Variants in GUCY1A2 observed in about 807,000 individuals in gnomAD.
GUCY1A2 encodes guanylate cyclase soluble subunit alpha-2.
GUCY1A2 carries 27 observed loss-of-function variants against 63.5 expected under a neutral mutation model. That is an observed-to-expected ratio of 0.43 (90% confidence interval 0.31 to 0.59). GUCY1A2 has a LOEUF of 0.59. GUCY1A2 is among the 20% of genes least tolerant of loss of function. GUCY1A2 has a pLI of 0.11. For synonymous variants in GUCY1A2, 364 were observed against 343.5 expected (o/e 1.06, Z -0.66); for missense variants, 768 against 913.3 (o/e 0.84, Z 2.05).
chr11:106,884,389 C>T (rs969798195), intron 4 of GUCY1A2, among the ~76,000 whole-genome samples: 1 of 151,936 alleles, frequency 6.6e-6, no homozygotes, highest in African/African-American at 2.4e-5. Context: ...TAGAAGTTAA[C>T]CGGTAAATAT....
At chr11:106,996,858 G>A (rs1373958613) in intron 1 of GUCY1A2, among the ~76,000 whole-genome samples, 2 of 152,124 alleles carry the variant, frequency 1.3e-5, no homozygotes, top group Non-Finnish European at 2.9e-5. Flanking sequence ...AATATAATTG[G>A]ATCTAGTGTT....
At chr11:106,706,026 TTTA>T (rs1313963249) in intron 7 of GUCY1A2, among the ~76,000 whole-genome samples, 3 of 152,168 alleles carry the variant, frequency 2.0e-5, no homozygotes, top group African/African-American at 4.8e-5. Context: ...TCATGGATAT[TTTA>T]TTATCTTTTC....
rs528823622 is a variant in GUCY1A2 at position 106,959,194 on chromosome 11, C to T, written c.488-19016G>A. Among the ~76,000 whole-genome samples the T allele has an allele frequency of 3.2e-4, 49 of 152,218 alleles. 1 individual carries two copies. In the East Asian group the frequency reaches 6.4e-3, roughly 20 times the overall value. On this transcript the variant is annotated intron_variant, in intron 3 of 7. Transcript: ENST00000526355. Reference sequence around the variant, plus strand: ...CCACAAATAAAACACAAGGGAAAGGCTGAGACCTGAAAGAATTTTTTTAAT... The same window carrying T: ...CCACAAATAAAACACAAGGGAAAGGTTGAGACCTGAAAGAATTTTTTTAAT...
At chr11:106,775,811 T>C (rs79621766) in intron 6 of GUCY1A2, among the ~76,000 whole-genome samples, 3,781 of 151,742 alleles carry the variant, frequency 0.025, 163 homozygotes, top group East Asian at 0.15. Flanking sequence ...ATGACACTTC[T>C]GGGATCCATC....
rs1861023655 is a variant in GUCY1A2, at chr11:106,958,818, G to C, written c.488-18640C>G. Among the ~76,000 whole-genome samples, 3 of 152,086 alleles carry C rather than the reference G, an allele frequency of 2.0e-5. No homozygotes were observed. The South Asian group carries it at 6.2e-4, about 32-fold the overall frequency. On this transcript the variant is annotated intron_variant, in intron 3 of 7. Coordinates refer to ENST00000526355, the MANE Select transcript of GUCY1A2 (RefSeq NM_000855.3). ...TCTAACCTGGGAAAATAGATGTTCA[G>C]GTTTATTCTTCTTCACTAGCATATA... is the stretch of plus-strand genomic sequence containing the variant.
At chr11:106,923,628 ATTTT>A (rs1235243866) in intron 4 of GUCY1A2, among the ~76,000 whole-genome samples, 2 of 152,070 alleles carry the variant, frequency 1.3e-5, no homozygotes, top group Admixed American at 1.3e-4. Flanking sequence ...TAGGAGAAAG[ATTTT>A]TTTTAATTTT....
chr11:106,868,280 A>C (rs912628950), intron 4 of GUCY1A2, among the ~76,000 whole-genome samples: 2 of 152,082 alleles, frequency 1.3e-5, no homozygotes, highest in African/African-American at 4.8e-5. Context: ...ATTCAACCTA[A>C]TAAGCAATGC....
At position 106,680,463 on chromosome 11, in the gene GUCY1A2, T is replaced by C. The variant is rs1862413638; in HGVS notation, c.*7086A>G. 2.9e-5 allele frequency: 6 copies of C among 205,470 alleles called. No homozygotes were observed. In the East Asian group the frequency reaches 4.5e-4, roughly 15 times the overall value. 12.7% of individuals were successfully genotyped at this position (205,470 alleles called of 1,614,324 possible). A position where few individuals can be genotyped will look rare whatever the true frequency, so the allele number is the denominator to read the frequency against. On this transcript the variant is annotated 3_prime_UTR_variant, in exon 8 of 8. Transcript: ENST00000526355. ...CTATTACTCAGACCTGCCATTTGGTTTTTCTTTTCTGCTTTTAAATAATAA... is the reference window on the plus strand; with the variant it reads ...CTATTACTCAGACCTGCCATTTGGTCTTTCTTTTCTGCTTTTAAATAATAA...
chr11:106,712,208 A>G (rs1863132526), intron 6 of GUCY1A2, among the ~76,000 whole-genome samples: 1 of 152,052 alleles, frequency 6.6e-6, no homozygotes, highest in African/African-American at 2.4e-5. Flanking sequence ...ATTTAAAATA[A>G]TTTTCTCCAT....
chr11:106,788,428 T>C (rs566268875), intron 5 of GUCY1A2, among the ~76,000 whole-genome samples: 1 of 152,232 alleles, frequency 6.6e-6, no homozygotes, highest in South Asian at 2.1e-4. Flanking sequence ...TTTCATTGCC[T>C]GTGCTTGTGG....
chr11:106,883,555 C>G (rs1859856371), intron 4 of GUCY1A2, among the ~76,000 whole-genome samples: 1 of 151,992 alleles, frequency 6.6e-6, no homozygotes, highest in Non-Finnish European at 1.5e-5. Flanking sequence ...ATATACCAGG[C>G]AATTTTTATA....
chr11:106,961,354 G>A (rs994409630), intron 3 of GUCY1A2, among the ~76,000 whole-genome samples: 1 of 152,040 alleles, frequency 6.6e-6, no homozygotes, highest in Non-Finnish European at 1.5e-5. Context: ...AGCTTAATAG[G>A]TAGACTTAGG....
intron 6 of GUCY1A2, among the ~76,000 whole-genome samples, chr11:106,728,193 C>T (rs1863440310): frequency 6.6e-6 from 1 of 152,140 alleles, no homozygotes; most frequent in Non-Finnish European, 1.5e-5. Flanking sequence ...TTGCACCATC[C>T]TACCTACCTT....
intron 4 of GUCY1A2, among the ~76,000 whole-genome samples, chr11:106,828,397 G>A (rs969137022): frequency 2.7e-4 from 41 of 152,202 alleles, no homozygotes; most frequent in Middle Eastern, 3.4e-3. Flanking sequence ...TAGGAGTTCA[G>A]TTGTATTCTT....
rs547554431 is a variant in GUCY1A2, at chr11:106,912,341, C to A, written c.1206+27119G>T. ...TTCAAAATACTTGTTGAGCCATTTA[C>A]TATTTCATGGATCTTTCCAGCATTT... On this transcript the variant is annotated intron_variant, in intron 4 of 7. Transcript: ENST00000526355. Among the ~76,000 whole-genome samples the A allele has an allele frequency of 3.4e-4, 52 of 152,174 alleles. 1 individual carries two copies. The South Asian group carries it at 8.5e-3, about 25-fold the overall frequency.
In GUCY1A2 at chr11:106,727,721, G is replaced by T. The variant is rs1288906072; in HGVS notation, c.1837-19055C>A. ...AAACTAGACTTTGTACACTAAAATC[G>T]CTTAGGAAGTATCTTGCCAATTTTG... is the stretch of plus-strand genomic sequence containing the variant. On this transcript the variant is annotated intron_variant, in intron 6 of 7. Coordinates refer to ENST00000526355, the MANE Select transcript of GUCY1A2 (RefSeq NM_000855.3). 2.0e-5 allele frequency among the ~76,000 whole-genome samples: 3 copies of T among 152,062 alleles called. No individual in the cohort carries two copies. The South Asian group carries it at 6.2e-4, about 32-fold the overall frequency.
At chr11:106,954,922 T>C (rs1237346535) in intron 3 of GUCY1A2, among the ~76,000 whole-genome samples, 1 of 152,192 alleles carries the variant, frequency 6.6e-6, no homozygotes, top group Non-Finnish European at 1.5e-5. Flanking sequence ...ATGGGTCTCC[T>C]GAATACAGCA....
chr11:106,943,342 T>C (rs1860776222), intron 3 of GUCY1A2, among the ~76,000 whole-genome samples: 1 of 152,216 alleles, frequency 6.6e-6, no homozygotes, highest in African/African-American at 2.4e-5. Flanking sequence ...CTATGACAGC[T>C]TGACATCTGG....
chr11:106,825,729 A>G (rs1858960446), intron 4 of GUCY1A2, among the ~76,000 whole-genome samples: 2 of 152,162 alleles, frequency 1.3e-5, no homozygotes, highest in South Asian at 4.1e-4. Flanking sequence ...GCCGCACATA[A>G]AACATGCTAA....
Sources: allele counts gnomAD v4.1 joint callset (sites outside exome capture counted in the v4.1 genomes callset), GRCh38; gene constraint gnomAD v4.1.1; transcripts MANE v1.5; gene names NCBI Gene and HGNC (gene_info 2026-07-23, HGNC 2026-07-21).